The following PRELID2 variants were observed in gnomAD, a reference collection of about 807,000 sequenced individuals.
The protein encoded by PRELID2 is PRELI domain containing 2.
A neutral mutation model predicts 28.4 loss-of-function variants in PRELID2; 25 were observed. That is an observed-to-expected ratio of 0.88 (90% confidence interval 0.64 to 1.23). The LOEUF (loss-of-function observed/expected upper bound fraction) is 1.23, where lower values mean the gene tolerates loss of function less well. Among genes scored for constraint, PRELID2 ranks in the 50% most tolerant of loss-of-function variants. PRELID2 has a pLI of 0.00. For missense variants in PRELID2, 201 were observed against 214.4 expected, an observed-to-expected ratio of 0.94 and a Z score of 0.39; for synonymous variants, 76 against 71.6, an observed-to-expected ratio of 1.06 and a Z score of -0.31.
chr5:145,813,181 A>G (rs1418345660), intron 4 of PRELID2, among the ~76,000 whole-genome samples: 2 of 152,150 alleles, frequency 1.3e-5, no homozygotes, highest in Non-Finnish European at 2.9e-5. Flanking sequence ...AGTAGCCCTG[A>G]CAGCTTTTTT....
chr5:145,666,376 A>G (rs1040348971), intron 1 of PRELID2, among the ~76,000 whole-genome samples: 1 of 152,132 alleles, frequency 6.6e-6, no homozygotes, highest in African/African-American at 2.4e-5. Flanking sequence ...GGGTAAATCA[A>G]CAACTCCACC....
chr5:145,793,686 A>G (rs571931251), intron 5 of PRELID2, among the ~76,000 whole-genome samples: 2 of 152,314 alleles, frequency 1.3e-5, no homozygotes, highest in African/African-American at 4.8e-5. Context: ...AAGTCACCTA[A>G]TTATTTCCAG....
the PRELID2 span, among the ~76,000 whole-genome samples, chr5:145,288,894 T>A: frequency 6.6e-6 from 1 of 152,148 alleles, no homozygotes; most frequent in Non-Finnish European, 1.5e-5. Flanking sequence ...AATTTTTCCA[T>A]CAGGGTACAT....
chr5:145,329,945 A>T, the PRELID2 span, among the ~76,000 whole-genome samples: 48 of 152,236 alleles, frequency 3.2e-4, no homozygotes, highest in African/African-American at 1.1e-3. Context: ...TTATTTTGGG[A>T]TACGTTCCAT....
the PRELID2 span, among the ~76,000 whole-genome samples, chr5:145,373,332 CGATATATATTACAACATA>C: frequency 5.1e-4 from 41 of 80,256 alleles, 1 homozygote; most frequent in African/African-American, 1.8e-3. Context: ...ATATAATATA[CGATATATATTACAACATA>C]TATAATATAT....
chr5:145,374,544 A>T, the PRELID2 span, among the ~76,000 whole-genome samples: 1 of 151,970 alleles, frequency 6.6e-6, no homozygotes, highest in Non-Finnish European at 1.5e-5. Context: ...TAGGTTGGGG[A>T]AGTTTCCCTG....
At chr5:145,266,595 T>C in the PRELID2 span, among the ~76,000 whole-genome samples, 5 of 152,144 alleles carry the variant, frequency 3.3e-5, no homozygotes, top group Non-Finnish European at 7.4e-5. Context: ...TTAGTGGGAA[T>C]GTAAACTCAT....
chr5:145,272,897 G>C, the PRELID2 span, among the ~76,000 whole-genome samples: 2 of 152,180 alleles, frequency 1.3e-5, no homozygotes, highest in African/African-American at 4.8e-5. Context: ...CTTCTCAGTA[G>C]GGACCTGAGG....
chr5:145,633,252 A>G (rs576054666), intron 1 of PRELID2, among the ~76,000 whole-genome samples: 1 of 152,304 alleles, frequency 6.6e-6, no homozygotes, highest in South Asian at 2.1e-4. Flanking sequence ...TTGTTGTTGT[A>G]AGCCACTAAA....
the PRELID2 span, among the ~76,000 whole-genome samples, chr5:145,230,587 A>G: frequency 6.6e-6 from 1 of 151,588 alleles, no homozygotes; most frequent in Admixed American, 6.6e-5. Flanking sequence ...TCAAAAAAAT[A>G]AAAAAAAGAA....
chr5:145,232,363 G>A, the PRELID2 span, among the ~76,000 whole-genome samples: 4,109 of 152,224 alleles, frequency 0.027, 172 homozygotes, highest in African/African-American at 0.094. Context: ...TCAGTGGCTT[G>A]CCTGAGGTCA....
intron 2 of PRELID2, among the ~76,000 whole-genome samples, chr5:145,820,890 C>G (rs1292110957): frequency 6.6e-6 from 1 of 152,138 alleles, no homozygotes; most frequent in Non-Finnish European, 1.5e-5. Flanking sequence ...AGTTAGAAGA[C>G]AGCCAAGCGG....
chr5:145,750,667 T>C (rs1757101055), intron 1 of PRELID2, among the ~76,000 whole-genome samples: 1 of 152,230 alleles, frequency 6.6e-6, no homozygotes, highest in Non-Finnish European at 1.5e-5. Flanking sequence ...AATAGAAATA[T>C]GTGCATTTTG....
chr5:145,449,914 A>T, the PRELID2 span, among the ~76,000 whole-genome samples: 1 of 152,102 alleles, frequency 6.6e-6, no homozygotes, highest in Non-Finnish European at 1.5e-5. Flanking sequence ...TTGCTGGATG[A>T]ATATTTGTGC....
chr5:145,285,650 A>C, the PRELID2 span, among the ~76,000 whole-genome samples: 2 of 152,176 alleles, frequency 1.3e-5, no homozygotes, highest in Non-Finnish European at 2.9e-5. Context: ...CCACAACAAC[A>C]ACAACAGCAA....
the PRELID2 span, among the ~76,000 whole-genome samples, chr5:145,369,884 T>A: frequency 1.3e-5 from 2 of 151,948 alleles, no homozygotes; most frequent in Admixed American, 6.6e-5. Context: ...GATGTTGAGC[T>A]TTTTTTTCAC....
chr5:145,343,592 C>T, the PRELID2 span, among the ~76,000 whole-genome samples: 6 of 151,456 alleles, frequency 4.0e-5, no homozygotes, highest in Non-Finnish European at 8.9e-5. Context: ...ATAGTCTAAA[C>T]AATGTACTTC....
intron 1 of PRELID2, among the ~76,000 whole-genome samples, chr5:145,690,991 T>C (rs1243158199): frequency 1.3e-5 from 2 of 152,030 alleles, no homozygotes; most frequent in African/African-American, 2.4e-5. Flanking sequence ...AAAATTATAA[T>C]AGCCAACTCC....
chr5:145,229,112 C>T, the PRELID2 span: 5 of 1,407,292 alleles, frequency 3.6e-6, no homozygotes, highest in Non-Finnish European at 5.0e-6. Flanking sequence ...GCATCGCCCA[C>T]AAAAAAGTGG....
Sources: allele counts gnomAD v4.1 joint callset (sites outside exome capture counted in the v4.1 genomes callset), GRCh38; gene constraint gnomAD v4.1.1; transcripts MANE v1.5; gene names NCBI Gene and HGNC (gene_info 2026-07-23, HGNC 2026-07-21).